Variants in GPC3 observed in about 807,000 individuals in gnomAD.
The protein encoded by GPC3 is glypican 3, also known as glypican-3.
A neutral mutation model predicts 34.4 loss-of-function variants in GPC3; 3 were observed. That is an observed-to-expected ratio of 0.09 (90% CI 0.04 to 0.23). The LOEUF (loss-of-function observed/expected upper bound fraction) is 0.23, where lower values mean the gene tolerates loss of function less well. Ranked by LOEUF, GPC3 falls within the 10% of genes least tolerant of loss-of-function variation. GPC3 has a pLI of 1.00. For synonymous variants in GPC3, 177 were observed against 174.0 expected (o/e 1.02, Z -0.13); for missense variants, 351 against 445.6 (o/e 0.79, Z 1.91).
chrX:133,679,163 A>C (rs992053561), intron 5 of GPC3, among the ~76,000 whole-genome samples: 7 of 111,486 alleles, frequency 6.3e-5, no homozygotes, highest in Non-Finnish European at 1.1e-4. Context: ...TTTAAGTGAC[A>C]TTCCTCAAGT....
At chrX:133,885,478 C>T (rs1053056508) in intron 2 of GPC3, among the ~76,000 whole-genome samples, 5 of 111,686 alleles carry the variant, frequency 4.5e-5, no homozygotes, top group Non-Finnish European at 9.4e-5. Flanking sequence ...TAACTGAATA[C>T]TTTTGTATTA....
At chrX:133,586,290 G>T (rs997052431) in intron 7 of GPC3, among the ~76,000 whole-genome samples, 6 of 111,594 alleles carry the variant, frequency 5.4e-5, no homozygotes, top group Non-Finnish European at 1.1e-4. Context: ...CACTGCTAAA[G>T]CTCACATCTA....
chrX:133,684,937 T>C (rs745964380), intron 5 of GPC3, among the ~76,000 whole-genome samples: 3 of 109,908 alleles, frequency 2.7e-5, no homozygotes, highest in Non-Finnish European at 5.7e-5. Context: ...CTGAAGGTCT[T>C]TCCTTGTTTC....
chrX:133,717,536 C>T (rs767290918), intron 3 of GPC3, among the ~76,000 whole-genome samples: 29 of 111,066 alleles, frequency 2.6e-4, no homozygotes, highest in Admixed American at 1.1e-3. Context: ...TGTTCTGTTC[C>T]GTTCTAATTA....
In GPC3 at chrX:133,855,530, G is replaced by GATATATATAT. The variant is rs756213198; in HGVS notation, c.337+97510_337+97519dup. On this transcript the variant is annotated intron_variant, in intron 2 of 7. Transcript: ENST00000370818. ...TAAGTTATACAATATGCTGTTACAA[G>GATATATATAT]ATATATATATATATATATAGTAAAA... 3.8e-3 allele frequency among the ~76,000 whole-genome samples: 346 copies of GATATATATAT among 91,192 alleles called. 5 individuals are homozygous for GATATATATAT. The highest frequency in any genetic ancestry group is 5.5e-3 in the African/African-American group (131 of 23,972). The allele number at this position is 91,192 out of a possible 115,157, so 79.2% of individuals were successfully genotyped here.
At chrX:133,941,627 G>GT (rs761178165) in intron 2 of GPC3, among the ~76,000 whole-genome samples, 1 of 112,215 alleles carries the variant, frequency 8.9e-6, no homozygotes, top group East Asian at 2.8e-4. Context: ...CACACAGCTG[G>GT]TGTCAGAACA....
intron 5 of GPC3, among the ~76,000 whole-genome samples, chrX:133,665,938 A>G (rs192088592): frequency 1.5e-3 from 172 of 111,706 alleles, no homozygotes; most frequent in African/African-American, 5.4e-3. Flanking sequence ...GTCCCTAGAG[A>G]CATATCCTTG....
intron 2 of GPC3, among the ~76,000 whole-genome samples, chrX:133,866,915 CA>C (rs199528661): frequency 0.013 from 1,436 of 111,446 alleles, 24 homozygotes; most frequent in African/African-American, 0.043. Context: ...AGATCATTTA[CA>C]GCCAAGTGCA....
intron 2 of GPC3, among the ~76,000 whole-genome samples, chrX:133,921,956 A>T (rs1234318442): frequency 8.9e-6 from 1 of 112,303 alleles, no homozygotes. Flanking sequence ...TTGCTCTGGC[A>T]GTAGTCTGGT....
intron 3 of GPC3, among the ~76,000 whole-genome samples, chrX:133,735,939 C>T (rs1406232539): frequency 5.2e-5 from 5 of 96,811 alleles, no homozygotes; most frequent in Non-Finnish European, 1.0e-4. Flanking sequence ...TTCTAGCCTG[C>T]ATGACATAGT....
At chrX:133,539,736 A>G (rs1304236317) in intron 7 of GPC3, among the ~76,000 whole-genome samples, 2 of 112,272 alleles carry the variant, frequency 1.8e-5, no homozygotes, top group African/African-American at 3.2e-5. Context: ...TTTATCAACC[A>G]ATTCCATAGC....
In GPC3 at chrX:133,929,876, C is replaced by T. The variant is rs1218563155; in HGVS notation, c.337+23174G>A. 2.7e-5 allele frequency among the ~76,000 whole-genome samples: 3 copies of T among 111,985 alleles called. No homozygotes were observed. The South Asian group carries it at 1.1e-3, about 42-fold the overall frequency. The stretch of plus-strand genomic sequence containing the variant: ...CATGTTCTTTTCTATCAAATCCATT[C>T]AGATACCATGCACACACAAAAGTTG... On this transcript the variant is annotated intron_variant, in intron 2 of 7. Transcript: ENST00000370818.
intron 2 of GPC3, among the ~76,000 whole-genome samples, chrX:133,921,576 T>C (rs949073915): frequency 2.7e-5 from 3 of 112,270 alleles, no homozygotes; most frequent in African/African-American, 9.7e-5. Flanking sequence ...CCCCAGTTCC[T>C]ATGTGATTCC....
chrX:133,594,025 G>A (rs951653132), intron 7 of GPC3, among the ~76,000 whole-genome samples: 2 of 111,539 alleles, frequency 1.8e-5, no homozygotes, highest in African/African-American at 6.5e-5. Flanking sequence ...GAACCTGGGA[G>A]GTGGAGGTTG....
intron 2 of GPC3, among the ~76,000 whole-genome samples, chrX:133,934,099 C>T (rs746515966): frequency 9.2e-6 from 1 of 108,467 alleles, no homozygotes; most frequent in East Asian, 2.9e-4. Context: ...GTCTTGAACT[C>T]CTGATCCACC....
At chrX:133,580,513 GGAGA>G (rs2069723015) in intron 7 of GPC3, among the ~76,000 whole-genome samples, 1 of 111,728 alleles carries the variant, frequency 9.0e-6, no homozygotes, top group Non-Finnish European at 1.9e-5. Context: ...AAAACTAAAT[GGAGA>G]GACATTCATG....
intron 5 of GPC3, among the ~76,000 whole-genome samples, chrX:133,667,767 A>G (rs147842637): frequency 0.041 from 4,526 of 109,724 alleles, 247 homozygotes; most frequent in African/African-American, 0.14. Flanking sequence ...TCAGGTGGGA[A>G]GATCACTTAA....
At chrX:133,786,044 G>A (rs1042440464) in intron 2 of GPC3, among the ~76,000 whole-genome samples, 3 of 111,753 alleles carry the variant, frequency 2.7e-5, no homozygotes, top group Non-Finnish European at 5.6e-5. Context: ...AAAGATAAAC[G>A]TCTCTCATCA....
chrX:133,635,047 G>A (rs1796761414), intron 6 of GPC3, among the ~76,000 whole-genome samples: 1 of 110,828 alleles, frequency 9.0e-6, no homozygotes, highest in Non-Finnish European at 1.9e-5. Flanking sequence ...CGTCGGCCAG[G>A]AAACACATTA....
Sources: gnomAD v4.1 joint callset for allele counts (sites outside exome capture counted in the v4.1 genomes callset) on GRCh38, gnomAD v4.1.1 for gene constraint, MANE v1.5 for transcripts, NCBI Gene and HGNC (gene_info 2026-07-23, HGNC 2026-07-21) for gene names.